The following MAN2B2 variants were observed in gnomAD, a reference collection of about 807,000 sequenced individuals.
MAN2B2 encodes the protein epididymis-specific alpha-mannosidase.
In MAN2B2, 106 loss-of-function variants were observed where a neutral mutation model predicts 117.1. The observed-to-expected ratio is 0.90, with a 90% CI of 0.77 to 1.06. The LOEUF (loss-of-function observed/expected upper bound fraction) is 1.06. Ranked by LOEUF, MAN2B2 falls within the 50% of genes least tolerant of loss-of-function variation. The probability of loss-of-function intolerance (pLI) is 0.00; values close to 1 mark genes in which losing one functional copy is unlikely to be tolerated. For synonymous variants in MAN2B2, 544 were observed against 595.1 expected (o/e 0.91, Z 1.25); for missense variants, 1,326 against 1,381.4 (o/e 0.96, Z 0.64).
intron 17 of MAN2B2, 171 bp downstream of exon 17, chr4:6,617,663 A>G: frequency 2.2e-6 from 3 of 1,338,766 alleles, no homozygotes; most frequent in Non-Finnish European, 3.0e-6. Context: ...AGGTATTACA[A>G]CTGGCCTGGT....
chr4:6,584,299 A>T (rs1726551508), intron 3 of MAN2B2, among the ~76,000 whole-genome samples: 1 of 152,200 alleles, frequency 6.6e-6, no homozygotes, highest in African/African-American at 2.4e-5. Flanking sequence ...GATATCTGTG[A>T]TTCTCATGTC....
At chr4:6,577,361 G>C (rs943248633) in intron 2 of MAN2B2, among the ~76,000 whole-genome samples, 1 of 152,192 alleles carries the variant, frequency 6.6e-6, no homozygotes, top group African/African-American at 2.4e-5. Context: ...ATACTCGGGG[G>C]TTCTTAGTTT....
At chr4:6,619,852 C>A in intron 17 of MAN2B2, 75 bp from the exon 18 acceptor site, 1 of 1,365,058 alleles carries the variant, frequency 7.3e-7, no homozygotes, top group East Asian at 2.3e-5. Context: ...TGTGTCTGCC[C>A]TGCTGCTGTC....
rs774607766 is a variant in MAN2B2 at position 6,609,161 on chromosome 4, C to T, written c.1869C>T (p.Asn623=). The change falls in exon 12 of 19, where the codon AAC becomes AAT. Residue 623 remains asparagine (N), a synonymous_variant. Transcript: ENST00000285599. ...VTQEFLEYHV[N]GDVKQGPISD... is the part of the protein sequence containing the mutation. ...AGGAATTCCTGGAGTACCACGTCAACGGGGATGTGAAACAGGGCCCCATTT... is the reference window on the plus strand; with the variant it reads ...AGGAATTCCTGGAGTACCACGTCAATGGGGATGTGAAACAGGGCCCCATTT... 2.5e-5 allele frequency: 40 copies of T among 1,614,056 alleles called. No individual in the cohort carries two copies. The highest frequency in any genetic ancestry group is 1.6e-4 in the Middle Eastern group (1 of 6,084).
intron 4 of MAN2B2, among the ~76,000 whole-genome samples, chr4:6,588,259 T>TC (rs1726718933): frequency 6.6e-6 from 1 of 152,198 alleles, no homozygotes; most frequent in Non-Finnish European, 1.5e-5. Flanking sequence ...AAGGGGCTGC[T>TC]CCAGGCCTCT....
chr4:6,579,401 CCACCACCATCACCAT>C (rs1462452960), intron 3 of MAN2B2, among the ~76,000 whole-genome samples: 4 of 131,576 alleles, frequency 3.0e-5, no homozygotes, highest in South Asian at 2.8e-4. Context: ...ACCATCACCA[CCACCACCATCACCAT>C]CACCACCACC....
At chr4:6,620,109 C>G (rs983446008) in intron 18 of MAN2B2, 65 bp downstream of exon 18, 19 of 1,366,472 alleles carry the variant, frequency 1.4e-5, no homozygotes, top group Middle Eastern at 2.4e-4. Flanking sequence ...GCTGGTCAGA[C>G]CCGGTGCACA....
At chr4:6,583,045 T>G (rs1416417595) in intron 3 of MAN2B2, among the ~76,000 whole-genome samples, 1 of 152,188 alleles carries the variant, frequency 6.6e-6, no homozygotes, top group African/African-American at 2.4e-5. Flanking sequence ...GACCCAGGGA[T>G]CCACGTTGCT....
rs556645304 is a variant in MAN2B2, at chr4:6,607,041, C to T, written c.1814+1712C>T. Among the ~76,000 whole-genome samples, 25 of 152,324 alleles carry T rather than the reference C, an allele frequency of 1.6e-4. No homozygotes were observed. The South Asian group carries it at 4.6e-3, about 28-fold the overall frequency. Reference sequence around the variant, plus strand: ...GCCATCACCACAATCAATTTTAGAACGTTTTCATTACTCCAGAAAGAAACT... The same window carrying T: ...GCCATCACCACAATCAATTTTAGAATGTTTTCATTACTCCAGAAAGAAACT... On this transcript the variant is annotated intron_variant, in intron 11 of 18. Coordinates refer to ENST00000285599, the MANE Select transcript of MAN2B2 (RefSeq NM_015274.3).
At position 6,607,222 on chromosome 4, in the gene MAN2B2, T is replaced by G. The variant is rs558385190; in HGVS notation, c.1815-1885T>G. Among the ~76,000 whole-genome samples the G allele has an allele frequency of 1.1e-4, 16 of 152,302 alleles. No homozygotes were observed. In the East Asian group the frequency reaches 2.3e-3, roughly 22 times the overall value. ...CCCTTTTTATTGATTGATTGATTGA[T>G]TGAGAGAGTCTCACTCTGTAATCTA... On this transcript the variant is annotated intron_variant, in intron 11 of 18. Coordinates refer to ENST00000285599, the MANE Select transcript of MAN2B2 (RefSeq NM_015274.3).
In MAN2B2 at chr4:6,609,834, C is replaced by A. The variant is rs766325889; in HGVS notation, c.2043C>A (p.Arg681=). 6 of 1,614,088 alleles carry A rather than the reference C, an allele frequency of 3.7e-6. No individual in the cohort carries two copies. Among genetic ancestry groups the A allele is most frequent in the South Asian group, 1.1e-5 (1 of 91,084 alleles). Residue 681 remains arginine (R), a synonymous_variant, in exon 13 of 19, where the codon CGC becomes CGA. Transcript: ENST00000285599. The part of the protein sequence containing the change: ...MTAQNYTYAI[R]SRLTHVPQGH... ...CACAGAATTACACGTATGCAATCCG[C>A]TCCCGGCTCACCCATGTGCCGCAGG...
intron 3 of MAN2B2, 59 bp from the exon 4 acceptor site, chr4:6,586,937 G>T: frequency 6.5e-7 from 1 of 1,538,306 alleles, no homozygotes; most frequent in Non-Finnish European, 8.9e-7. Flanking sequence ...GGGTGAGGAT[G>T]GGGCCGGGAG....
chr4:6,597,055 G>C, intron 7 of MAN2B2, 58 bp from the exon 8 acceptor site: 1 of 1,525,232 alleles, frequency 6.6e-7, no homozygotes, highest in Non-Finnish European at 9.0e-7. Flanking sequence ...CAGGGCTGGA[G>C]CTTAGCAGAC....
chr4:6,618,404 G>T (rs1711999402), intron 17 of MAN2B2: 1 of 152,208 alleles, frequency 6.6e-6, no homozygotes, highest in Non-Finnish European at 1.5e-5. Flanking sequence ...ACAATCCAGG[G>T]TCCACACCCA....
chr4:6,577,158 G>A (rs929065569), intron 2 of MAN2B2, among the ~76,000 whole-genome samples: 1 of 152,150 alleles, frequency 6.6e-6, no homozygotes, highest in Non-Finnish European at 1.5e-5. Context: ...TAGGCAGCAG[G>A]TTGCTTCATA....
At chr4:6,617,878 G>C (rs139508314) in intron 17 of MAN2B2, 1 of 205,040 alleles carries the variant, frequency 4.9e-6, no homozygotes, top group Admixed American at 8.2e-5. Context: ...ACCGAGTTTC[G>C]CTCTCGTCCC....
intron 10 of MAN2B2, among the ~76,000 whole-genome samples, chr4:6,602,890 G>C (rs1008712340): frequency 6.6e-6 from 1 of 151,932 alleles, no homozygotes; most frequent in Admixed American, 6.6e-5. Context: ...TGCCCAGGCT[G>C]GTCTCAAACT....
chr4:6,594,451 G>A, intron 6 of MAN2B2, 83 bp from the exon 7 acceptor site: 1 of 1,390,216 alleles, frequency 7.2e-7, no homozygotes, highest in Non-Finnish European at 1.0e-6. Context: ...GAGGGCAGCT[G>A]GTGGAGGGCA....
At chr4:6,582,041 T>C (rs1236365597) in intron 3 of MAN2B2, among the ~76,000 whole-genome samples, 2 of 151,494 alleles carry the variant, frequency 1.3e-5, no homozygotes, top group Non-Finnish European at 2.9e-5. Flanking sequence ...CCCAGCAGAG[T>C]GGCAGGTGCC....
Sources: gnomAD v4.1 joint callset for allele counts (sites outside exome capture counted in the v4.1 genomes callset) on GRCh38, gnomAD v4.1.1 for gene constraint, MANE v1.5 for transcripts, NCBI Gene and HGNC (gene_info 2026-07-23, HGNC 2026-07-21) for gene names.